The following PIEZO1 variants were observed in gnomAD, a reference collection of about 807,000 sequenced individuals.
PIEZO1 encodes piezo type mechanosensitive ion channel component 1 (Er blood group).
A neutral mutation model predicts 297.2 loss-of-function variants in PIEZO1; 296 were observed. The ratio of observed to expected loss-of-function variants is 1.00; its 90% CI spans 0.91 to 1.10. The LOEUF (loss-of-function observed/expected upper bound fraction) is 1.10. Ranked by LOEUF, PIEZO1 falls within the 50% of genes least tolerant of loss-of-function variation. The probability of loss-of-function intolerance (pLI) is 0.00; values close to 1 mark genes in which losing one functional copy is unlikely to be tolerated. For synonymous variants in PIEZO1, 2,427 were observed against 1,507.5 expected (o/e 1.61, Z -14.13); for missense variants, 5,018 against 3,455.5 (o/e 1.45, Z -11.34).
At chr16:88,764,751 CAAAA>C (rs532714692) in intron 1 of PIEZO1, among the ~76,000 whole-genome samples, 25 of 90,412 alleles carry the variant, frequency 2.8e-4, no homozygotes, top group African/African-American at 9.6e-4. Flanking sequence ...AACTCCGTCT[CAAAA>C]AAAAAAAAAA....
intron 44 of PIEZO1, chr16:88,718,085 A>C: frequency 4.2e-6 from 1 of 235,998 alleles, no homozygotes; most frequent in South Asian, 4.7e-5. Flanking sequence ...GCCCAACTAA[A>C]CTATGGAGAA....
intron 1 of PIEZO1, among the ~76,000 whole-genome samples, chr16:88,780,965 A>T (rs1567491449): frequency 6.6e-6 from 1 of 152,250 alleles, no homozygotes. Context: ...TTTAAGAAAA[A>T]AGAGAAAAAA....
In PIEZO1 at chr16:88,737,879, A is replaced by C. The variant is rs1905348744; in HGVS notation, c.1020+55T>G. ...CCCCACCCAGAGGCAGGAGGTCCTG[A>C]GACCAGCCCCATGGCCTGGCCTCAG... On this transcript the variant is annotated intron_variant, in intron 8 of 50. Coordinates refer to ENST00000301015, the MANE Select transcript of PIEZO1 (RefSeq NM_001142864.4). The C allele has an allele frequency of 2.6e-6, 4 of 1,532,792 alleles. No homozygotes were observed. The Admixed American group carries it at 7.9e-5, about 30-fold the overall frequency. The allele number at this position is 1,532,792 out of a possible 1,614,324, so 94.9% of individuals were successfully genotyped here.
Position 88,722,024 on chromosome 16 carries a change from C to T in PIEZO1, c.4998G>A (p.Ala1666=), listed in dbSNP as rs571925388. 1.4e-4 allele frequency: 212 copies of T among 1,548,358 alleles called. No individual in the cohort carries two copies. The highest frequency in any genetic ancestry group is 4.2e-4 in the East Asian group (17 of 40,904). The change falls in exon 37 of 51, where the codon GCG becomes GCA. Residue 1666 remains alanine, a synonymous_variant. Transcript: ENST00000301015. ...IPELEEAELF[A]EGQGRALRLL... is the part of the protein sequence containing the mutation. ...GCCGCAGCGCCCGGCCCTGCCCCTC[C>T]GCAAACAGCTCTGCCTCCTCCAGCT...
Position 88,723,085 on chromosome 16 carries a change from G to A in PIEZO1, c.4495+10C>T, listed in dbSNP as rs1159155186. ...GAGACCTCCCACTCCCCAGCCCCGGGCCCACGTACCTGCCGCTGCCTCCTC... is the reference window on the plus strand; with the variant it reads ...GAGACCTCCCACTCCCCAGCCCCGGACCCACGTACCTGCCGCTGCCTCCTC... On this transcript the variant is annotated intron_variant, in intron 33 of 50. Transcript: ENST00000301015. 3.9e-6 allele frequency: 6 copies of A among 1,547,170 alleles called. No individual in the cohort carries two copies. The highest frequency in any genetic ancestry group is 1.2e-5 in the South Asian group (1 of 84,008).
Position 88,725,581 on chromosome 16 carries a change from C to T in PIEZO1, c.4058+14G>A, listed in dbSNP as rs1158780479. On this transcript the variant is annotated intron_variant, in intron 28 of 50. Coordinates refer to ENST00000301015, the MANE Select transcript of PIEZO1 (RefSeq NM_001142864.4). Reference sequence around the variant, plus strand: ...GGGGAGGAGCCGGGGAGTCCCCGCCCCAGAGGCACCTACTGTCTTTTCAGC... The same window carrying T: ...GGGGAGGAGCCGGGGAGTCCCCGCCTCAGAGGCACCTACTGTCTTTTCAGC... 1.3e-6 allele frequency: 2 copies of T among 1,538,538 alleles called. No individual in the cohort carries two copies. Among genetic ancestry groups the T allele is most frequent in the Non-Finnish European group, 1.8e-6 (2 of 1,136,248 alleles).
intron 12 of PIEZO1, among the ~76,000 whole-genome samples, chr16:88,735,907 T>C (rs1020140336): frequency 8.6e-5 from 13 of 151,982 alleles, no homozygotes; most frequent in African/African-American, 3.1e-4. Flanking sequence ...GAGCCCACGC[T>C]CACACAGTGT....
chr16:88,726,841 C>A lies in PIEZO1; in HGVS notation c.3573G>T (p.Leu1191=). ...RISIFGLGYL[L]ACFYLLLFGT... ...CGAAGAGCAGCAGGTAGAAGCAGGC[C>A]AGCAGGTAGCCCAGCCCGAAGATGC... The change falls in exon 25 of 51, where the codon CTG becomes CTT. Residue 1191 remains leucine, a synonymous_variant. Transcript: ENST00000301015. 6.4e-7 allele frequency: 1 copy of A among 1,550,390 alleles called. No individual in the cohort carries two copies. The highest frequency in any genetic ancestry group is 8.7e-7 in the Non-Finnish European group (1 of 1,146,940).
intron 12 of PIEZO1, among the ~76,000 whole-genome samples, chr16:88,735,896 A>T (rs1047401549): frequency 6.6e-6 from 1 of 152,198 alleles, no homozygotes; most frequent in Non-Finnish European, 1.5e-5. Context: ...CCGTGCCAAC[A>T]GAGCCCACGC....
chr16:88,719,398 T>C, intron 44 of PIEZO1, 176 bp downstream of exon 44: 1 of 620,358 alleles, frequency 1.6e-6, no homozygotes, highest in Non-Finnish European at 2.8e-6. Context: ...CACTCGCAGC[T>C]GCCAAGATCA....
At chr16:88,762,538 G>A (rs777444764) in intron 1 of PIEZO1, among the ~76,000 whole-genome samples, 1 of 152,324 alleles carries the variant, frequency 6.6e-6, no homozygotes, top group South Asian at 2.1e-4. Context: ...CCAGCCAAGC[G>A]GCCAACCCTG....
intron 5 of PIEZO1, 49 bp downstream of exon 5, chr16:88,741,429 C>G (rs145292604): frequency 1.4e-6 from 2 of 1,459,442 alleles, no homozygotes; most frequent in African/African-American, 2.9e-5. Context: ...GCTGAGACCA[C>G]AGCTCTCGAA....
Position 88,738,204 on chromosome 16 carries a change from G to A in PIEZO1, c.848+23C>T, listed in dbSNP as rs1378064992. ...GGCGGGACCAGGGTGGCAGGAAAAA[G>A]GGGCTGTGTGGCAAGCCGTTACCTA... On this transcript the variant is annotated intron_variant, in intron 7 of 50. Transcript: ENST00000301015. The A allele has an allele frequency of 2.6e-6, 4 of 1,534,430 alleles. No homozygotes were observed. In the Admixed American group the frequency reaches 7.8e-5, roughly 30 times the overall value.
chr16:88,770,566 C>G (rs1241939710), intron 1 of PIEZO1, among the ~76,000 whole-genome samples: 1 of 152,222 alleles, frequency 6.6e-6, no homozygotes, highest in East Asian at 1.9e-4. Context: ...GCGGGGGCCC[C>G]GCCATGGGCG....
chr16:88,757,434 G>A (rs1906730332), intron 1 of PIEZO1, among the ~76,000 whole-genome samples: 1 of 151,966 alleles, frequency 6.6e-6, no homozygotes, highest in Admixed American at 6.6e-5. Context: ...AGGGGCGGGT[G>A]GGAACAGGTC....
chr16:88,719,547 C>A, intron 44 of PIEZO1, 27 bp downstream of exon 44: 1 of 1,546,940 alleles, frequency 6.5e-7, no homozygotes, highest in South Asian at 1.2e-5. Flanking sequence ...TGGCCCTTGT[C>A]CCGGCCCCCG....
chr16:88,738,424 C>T lies in PIEZO1; in HGVS notation c.651G>A (p.Ser217=). The change falls in exon 7 of 51, where the codon TCG becomes TCA. Residue 217 remains serine (S), a synonymous_variant. Coordinates refer to ENST00000301015, the MANE Select transcript of PIEZO1 (RefSeq NM_001142864.4). ...LLALAGIAHP[S]ALSSVYLLLF... is the part of the protein sequence containing the mutation. ...GCAGCAGGTAGACACTGGAGAGGGC[C>T]GAGGGGTGGGCGATGCCTGCGGGGC... 3.3e-6 allele frequency: 5 copies of T among 1,535,744 alleles called. No individual in the cohort carries two copies. The highest frequency in any genetic ancestry group is 3.5e-6 in the Non-Finnish European group (4 of 1,146,808).
At position 88,734,932 on chromosome 16, in the gene PIEZO1, G is replaced by A. The variant is rs1567673005; in HGVS notation, c.1791C>T (p.Leu597=). 23 of 1,550,452 alleles carry A rather than the reference G, an allele frequency of 1.5e-5. No homozygotes were observed. Among genetic ancestry groups the A allele is most frequent in the Non-Finnish European group, 1.8e-5 (21 of 1,146,966 alleles). ...MFIVVSFAGR[L]VVYKIVYMFL... ...ACATGTAGACAATCTTGTAGACCAC[G>A]AGGCGGCCGGCGAAGCTGACCACGA... The change falls in exon 14 of 51, where the codon CTC becomes CTT. Residue 597 remains leucine (L), a synonymous_variant. Transcript: ENST00000301015.
chr16:88,781,516 G>A (rs1046998380), intron 1 of PIEZO1, among the ~76,000 whole-genome samples: 1 of 152,264 alleles, frequency 6.6e-6, no homozygotes, highest in Non-Finnish European at 1.5e-5. Context: ...CAGCCTCCAG[G>A]CCCAGCATGG....
Sources: allele counts gnomAD v4.1 joint callset (sites outside exome capture counted in the v4.1 genomes callset), GRCh38; gene constraint gnomAD v4.1.1; transcripts MANE v1.5; gene names NCBI Gene and HGNC (gene_info 2026-07-23, HGNC 2026-07-21).